GRID2: variants seen among roughly 807,000 people sequenced by gnomAD.
GRID2 encodes glutamate receptor ionotropic, delta-2.
GRID2 carries 33 observed loss-of-function variants against 114.8 expected under a neutral mutation model. The ratio of observed to expected loss-of-function variants is 0.29; its 90% confidence interval spans 0.22 to 0.38. The LOEUF is 0.38. GRID2 is among the 10% of genes least tolerant of loss of function. The pLI is 1.00. For missense variants in GRID2, 1,184 were observed against 1,257.7 expected (o/e 0.94, Z 0.89); for synonymous variants, 505 against 449.9 (o/e 1.12, Z -1.55).
chr4:93,039,591 A>G (rs1725292120), intron 2 of GRID2, among the ~76,000 whole-genome samples: 1 of 152,082 alleles, frequency 6.6e-6, no homozygotes, highest in Non-Finnish European at 1.5e-5. Flanking sequence ...CCAGGAAGTG[A>G]GCTGTTTTGT....
intron 2 of GRID2, among the ~76,000 whole-genome samples, chr4:93,032,421 T>G (rs1724522878): frequency 6.6e-6 from 1 of 151,972 alleles, no homozygotes; most frequent in Non-Finnish European, 1.5e-5. Context: ...GAACAGCAGA[T>G]TTTTTTTAAA....
intron 2 of GRID2, among the ~76,000 whole-genome samples, chr4:92,890,358 A>T (rs1314887819): frequency 1.3e-5 from 2 of 152,216 alleles, no homozygotes; most frequent in East Asian, 3.8e-4. Context: ...AATTTTTGCA[A>T]TCTATCCATC....
chr4:93,520,296 G>T (rs903877198), intron 13 of GRID2, among the ~76,000 whole-genome samples: 3 of 151,948 alleles, frequency 2.0e-5, no homozygotes, highest in Admixed American at 6.6e-5. Flanking sequence ...TAACAGACAA[G>T]CATAAATGTG....
At chr4:93,608,312 T>TTTTTTTTTTTTTTTTTTTTTTA (rs1740526319) in intron 13 of GRID2, among the ~76,000 whole-genome samples, 1 of 117,468 alleles carries the variant, frequency 8.5e-6, no homozygotes, top group African/African-American at 3.5e-5. Context: ...TTTTTTTTAA[T>TTTTTTTTTTTTTTTTTTTTTTA]TTTTTTTTTT....
chr4:92,896,674 A>G (rs1231924283), intron 2 of GRID2, among the ~76,000 whole-genome samples: 1 of 152,142 alleles, frequency 6.6e-6, no homozygotes, highest in African/African-American at 2.4e-5. Flanking sequence ...TCTTTAAAAC[A>G]GAAGTTTAAA....
intron 4 of GRID2, among the ~76,000 whole-genome samples, chr4:93,163,168 T>C (rs1463700631): frequency 6.6e-6 from 1 of 151,534 alleles, no homozygotes; most frequent in Non-Finnish European, 1.5e-5. Flanking sequence ...CATTTTTCTG[T>C]CAAGATGTGT....
intron 1 of GRID2, among the ~76,000 whole-genome samples, chr4:92,387,642 A>T (rs1221852005): frequency 6.6e-6 from 1 of 151,998 alleles, no homozygotes; most frequent in Non-Finnish European, 1.5e-5. Flanking sequence ...GGGAGGAAGG[A>T]AGTGTAAGTG....
At chr4:93,594,342 G>A (rs1171631006) in intron 13 of GRID2, among the ~76,000 whole-genome samples, 1 of 152,180 alleles carries the variant, frequency 6.6e-6, no homozygotes, top group Non-Finnish European at 1.5e-5. Context: ...CCCTGCTGGA[G>A]GGTGCCTCCC....
intron 4 of GRID2, among the ~76,000 whole-genome samples, chr4:93,171,013 C>T (rs1579184390): frequency 6.6e-6 from 1 of 152,102 alleles, no homozygotes; most frequent in Admixed American, 6.6e-5. Context: ...TGCATCTGCC[C>T]ATGCCACCTA....
At chr4:92,942,377 G>C (rs1445405831) in intron 2 of GRID2, among the ~76,000 whole-genome samples, 1 of 152,126 alleles carries the variant, frequency 6.6e-6, no homozygotes, top group Non-Finnish European at 1.5e-5. Flanking sequence ...TTTTATCAGA[G>C]ACTAGGATTG....
intron 8 of GRID2, among the ~76,000 whole-genome samples, chr4:93,347,442 T>TA (rs1464387164): frequency 2.0e-5 from 3 of 152,088 alleles, no homozygotes; most frequent in East Asian, 3.9e-4. Context: ...GTTGCAAAAA[T>TA]AAAAAATATA....
At chr4:92,993,845 G>C (rs1755049263) in intron 2 of GRID2, among the ~76,000 whole-genome samples, 1 of 152,182 alleles carries the variant, frequency 6.6e-6, no homozygotes, top group Non-Finnish European at 1.5e-5. Context: ...GATCTTAAGA[G>C]TGTGGCTATA....
intron 1 of GRID2, among the ~76,000 whole-genome samples, chr4:92,376,082 A>G: frequency 6.6e-6 from 1 of 152,072 alleles, no homozygotes; most frequent in East Asian, 1.9e-4. Context: ...TGAAAATACT[A>G]GGGCAAAATG....
intron 1 of GRID2, among the ~76,000 whole-genome samples, chr4:92,443,006 G>T (rs1486014125): frequency 3.3e-4 from 50 of 152,024 alleles, no homozygotes; most frequent in Admixed American, 2.6e-4. Flanking sequence ...GCTCGGCCTG[G>T]CGAGGAGCAG....
At chr4:93,695,024 A>C (rs2110123899) in intron 14 of GRID2, among the ~76,000 whole-genome samples, 1 of 152,168 alleles carries the variant, frequency 6.6e-6, no homozygotes, top group East Asian at 1.9e-4. Context: ...TATGAAAATT[A>C]GCCCGGCATG....
chr4:92,760,038 G>A (rs1350500790), intron 2 of GRID2, among the ~76,000 whole-genome samples: 3 of 151,026 alleles, frequency 2.0e-5, no homozygotes, highest in East Asian at 2.0e-4. Flanking sequence ...TCAGGAGTTC[G>A]AGACCAGCCT....
chr4:92,356,462 A>G (rs915437108), intron 1 of GRID2, among the ~76,000 whole-genome samples: 5 of 151,538 alleles, frequency 3.3e-5, no homozygotes, highest in South Asian at 2.1e-4. Context: ...TTAAAAACAT[A>G]CATGCCCACT....
chr4:93,418,213 C>T (rs1293043632), intron 9 of GRID2, among the ~76,000 whole-genome samples: 3 of 151,650 alleles, frequency 2.0e-5, no homozygotes, highest in Non-Finnish European at 4.4e-5. Context: ...CTTGACAGTA[C>T]TTGGGATTAT....
At chr4:93,399,025 C>A (rs1354508161) in intron 9 of GRID2, among the ~76,000 whole-genome samples, 1 of 151,904 alleles carries the variant, frequency 6.6e-6, no homozygotes. Context: ...TCCCCTCACC[C>A]CACCCAGCAA....
Sources: allele counts gnomAD v4.1 joint callset (sites outside exome capture counted in the v4.1 genomes callset), GRCh38; gene constraint gnomAD v4.1.1; transcripts MANE v1.5; gene names NCBI Gene and HGNC (gene_info 2026-07-23, HGNC 2026-07-21).